The following TAF5 variants were observed in gnomAD, a reference collection of about 807,000 sequenced individuals.
TAF5 encodes transcription initiation factor TFIID subunit 5.
TAF5 carries 20 observed loss-of-function variants against 80.9 expected under a neutral mutation model. That is an observed-to-expected ratio of 0.25 (90% CI 0.17 to 0.36). TAF5 has a LOEUF of 0.36. TAF5 is among the 10% of genes least tolerant of loss of function. The pLI is 1.00. For synonymous variants in TAF5, 388 were observed against 406.4 expected, an observed-to-expected ratio of 0.95 and a Z score of 0.55; for missense variants, 863 against 1,029.4, an observed-to-expected ratio of 0.84 and a Z score of 2.21.
intron 8 of TAF5, among the ~76,000 whole-genome samples, chr10:103,386,356 C>A (rs1315803250): frequency 6.6e-6 from 1 of 151,432 alleles, no homozygotes; most frequent in African/African-American, 2.4e-5. Context: ...GGCAGAATTG[C>A]TTGAACCCAG....
chr10:103,368,436 C>T lies in TAF5; in HGVS notation c.447C>T (p.Ser149=), dbSNP rs1383334236. The T allele has an allele frequency of 6.3e-7, 1 of 1,580,538 alleles. No individual in the cohort carries two copies. The highest frequency in any genetic ancestry group is 1.7e-5 in the Admixed American group (1 of 57,288). ...AGAEVTSALL[S]RVTASAPGPA... ...CTGAGGTGACCAGCGCGCTTCTCAG[C>T]CGGGTGACCGCCTCGGCCCCTGGCC... The change falls in exon 1 of 11, where the codon AGC becomes AGT. Residue 149 remains serine (S), a synonymous_variant. Coordinates refer to ENST00000369839, the MANE Select transcript of TAF5 (RefSeq NM_006951.5).
chr10:103,380,143 T>C, intron 5 of TAF5, 124 bp downstream of exon 5: 1 of 1,219,138 alleles, frequency 8.2e-7, no homozygotes, highest in East Asian at 2.4e-5. Flanking sequence ...TTTTTTTTTT[T>C]TTCTGAGACA....
intron 5 of TAF5, among the ~76,000 whole-genome samples, chr10:103,380,290 G>A (rs1411287688): frequency 6.6e-6 from 1 of 152,034 alleles, no homozygotes; most frequent in Non-Finnish European, 1.5e-5. Context: ...CGCCATGCCC[G>A]GCTAATTTTT....
Position 103,388,270 on chromosome 10 carries a change from G to C in TAF5, c.*47G>C, listed in dbSNP as rs1028571505. On this transcript the variant is annotated 3_prime_UTR_variant, in exon 11 of 11. Coordinates refer to ENST00000369839, the MANE Select transcript of TAF5 (RefSeq NM_006951.5). Reference sequence around the variant, plus strand: ...TTGGAAGCTACTGTTTTTAAAAAGGGAGACTAAAAGCAAATACCTCAGTGA... The same window carrying C: ...TTGGAAGCTACTGTTTTTAAAAAGGCAGACTAAAAGCAAATACCTCAGTGA... 6 of 1,486,400 alleles carry C rather than the reference G, an allele frequency of 4.0e-6. No homozygotes were observed. The African/African-American group carries it at 8.4e-5, about 21-fold the overall frequency. The allele number at this position is 1,486,400 out of a possible 1,614,324, so 92.1% of individuals were successfully genotyped here.
intron 5 of TAF5, among the ~76,000 whole-genome samples, chr10:103,380,526 C>T (rs1002723583): frequency 3.9e-5 from 6 of 152,064 alleles, no homozygotes; most frequent in Admixed American, 2.0e-4. Context: ...TTTGTTTCAC[C>T]GATCAGAATT....
At chr10:103,386,694 C>T (rs1201877850) in intron 8 of TAF5, among the ~76,000 whole-genome samples, 7 of 145,330 alleles carry the variant, frequency 4.8e-5, no homozygotes, top group South Asian at 2.2e-4. Context: ...GACAGAGTCT[C>T]GCTCTGTTAC....
rs1333848674 is a variant in TAF5, at chr10:103,387,203, T to G, written c.1858T>G (p.Leu620Val). The change falls in exon 9 of 11, where the codon TTA (leucine) becomes GTA (valine). Residue 620 changes from leucine to valine, a missense_variant. Coordinates refer to ENST00000369839, the MANE Select transcript of TAF5 (RefSeq NM_006951.5). Reference sequence around the variant, plus strand: ...CTGGGCTACAGACCACTATCAGCCTTTAAGAATATTTGCCGGCCATCTTGC... The same window carrying G: ...CTGGGCTACAGACCACTATCAGCCTGTAAGAATATTTGCCGGCCATCTTGC... ...RLWATDHYQPLRIFAGHLADV... is the reference protein window; with the variant it reads ...RLWATDHYQPVRIFAGHLADV... 6.2e-7 allele frequency: 1 copy of G among 1,614,132 alleles called. No individual in the cohort carries two copies. The highest frequency in any genetic ancestry group is 8.5e-7 in the Non-Finnish European group (1 of 1,180,028).
intron 1 of TAF5, among the ~76,000 whole-genome samples, chr10:103,369,943 C>T (rs954582582): frequency 6.6e-6 from 1 of 151,832 alleles, no homozygotes; most frequent in Non-Finnish European, 1.5e-5. Flanking sequence ...TTTTTACCTT[C>T]GTATTGGCCG....
In TAF5 at chr10:103,374,861, C is replaced by T. The variant is rs780762896; in HGVS notation, c.797+1266C>T. Among the ~76,000 whole-genome samples, 1 of 152,144 alleles carries T rather than the reference C, an allele frequency of 6.6e-6. No homozygotes were observed. ...GTAGAGGTGGCCCGGCGCTGCGGCT[C>T]ACGCCTTTAATCCCAGCACTTTGGG... On this transcript the variant is annotated intron_variant, in intron 2 of 10. Transcript: ENST00000369839. This position sits in a 1 kb window ranked among gnomAD's most constrained non-coding sequence, Gnocchi z 4.3.
chr10:103,380,098 A>T, intron 5 of TAF5, 79 bp downstream of exon 5: 3 of 1,431,016 alleles, frequency 2.1e-6, no homozygotes, highest in Non-Finnish European at 2.8e-6. Context: ...AAACAAATGT[A>T]TTAGCTAAAA....
At chr10:103,387,960 T>C in intron 10 of TAF5, 46 bp from the exon 11 acceptor site, 1 of 1,552,016 alleles carries the variant, frequency 6.4e-7, no homozygotes, top group Admixed American at 1.7e-5. Flanking sequence ...TGTCCGAATG[T>C]AAATATGATG....
chr10:103,379,254 C>T (rs138298709), intron 3 of TAF5, among the ~76,000 whole-genome samples: 1 of 152,268 alleles, frequency 6.6e-6, no homozygotes, highest in Non-Finnish European at 1.5e-5. Flanking sequence ...CAGCTCCGTT[C>T]CAAGAAGGAA....
rs1431214803 is a variant in TAF5 at position 103,368,533 on chromosome 10, G to A, written c.544G>A (p.Ala182Thr). The A allele has an allele frequency of 3.3e-6, 5 of 1,535,368 alleles. No homozygotes were observed. Among genetic ancestry groups the A allele is most frequent in the Non-Finnish European group, 4.3e-6 (5 of 1,150,528 alleles). The change falls in exon 1 of 11, where the codon GCG (alanine) becomes ACG (threonine). Residue 182 changes from alanine (A) to threonine (T), a missense_variant. Ala to Thr is a moderately conservative substitution (Grantham distance 58, BLOSUM62 0). Around this residue, in one of 3 missense-constraint regions of TAF5, gnomAD observed 367 missense variants for 335.5 expected, o/e 1.09. Transcript: ENST00000369839. The part of the protein sequence containing the change: ...TVVSGSASGP[A>T]APGKVGSVAV... The stretch of plus-strand genomic sequence containing the variant: ...CGTCTCAGGTTCAGCCTCAGGTCCT[G>A]CGGCTCCGGGTAAAGGTGAGCCGTG...
At chr10:103,376,580 G>GA (rs566222719) in intron 2 of TAF5, among the ~76,000 whole-genome samples, 4,123 of 135,240 alleles carry the variant, frequency 0.03, 58 homozygotes, top group Admixed American at 0.05. Flanking sequence ...AAGTGCTTTT[G>GA]AAAAAAAAAA....
Position 103,368,350 on chromosome 10 carries a change from G to T in TAF5, c.361G>T (p.Gly121Trp). ...EAEEALRREAGLLEEAVAGSG... is the reference protein window; with the variant it reads ...EAEEALRREAWLLEEAVAGSG... ...CGAAGAGGCGCTGCGCCGTGAGGCC[G>T]GGCTGCTGGAGGAGGCAGTGGCGGG... is the stretch of plus-strand genomic sequence containing the variant. Residue 121 changes from glycine (G) to tryptophan (W), a missense_variant, in exon 1 of 11, where the codon GGG becomes TGG. Physicochemically the swap from Gly to Trp is radical, Grantham distance 184. Coordinates refer to ENST00000369839, the MANE Select transcript of TAF5 (RefSeq NM_006951.5). The T allele has an allele frequency of 6.3e-7, 1 of 1,577,860 alleles. No individual in the cohort carries two copies. Among genetic ancestry groups the T allele is most frequent in the Non-Finnish European group, 8.5e-7 (1 of 1,170,824 alleles).
intron 1 of TAF5, among the ~76,000 whole-genome samples, chr10:103,369,612 C>A (rs2093354441): frequency 6.6e-6 from 1 of 152,024 alleles, no homozygotes; most frequent in African/African-American, 2.4e-5. Context: ...ATGCACCCAC[C>A]TCTGCGTCCC....
intron 1 of TAF5, among the ~76,000 whole-genome samples, chr10:103,370,560 C>T (rs1465119143): frequency 2.0e-5 from 3 of 151,922 alleles, no homozygotes; most frequent in Non-Finnish European, 4.4e-5. Context: ...ATCTCCTGAC[C>T]TTGTGATCCA....
Position 103,371,531 on chromosome 10 carries a change from A to C in TAF5, c.560-1827A>C, listed in dbSNP as rs578130862. Among the ~76,000 whole-genome samples the C allele has an allele frequency of 2.6e-5, 4 of 152,352 alleles. No homozygotes were observed. In the East Asian group the frequency reaches 7.7e-4, roughly 29 times the overall value. ...ATTTAATTGACAGATTAATTGACTG[A>C]TTTAATTGACAGATGTATTGTTAGG... is the stretch of plus-strand genomic sequence containing the variant. On this transcript the variant is annotated intron_variant, in intron 1 of 10. Coordinates refer to ENST00000369839, the MANE Select transcript of TAF5 (RefSeq NM_006951.5).
At chr10:103,381,599 A>G in intron 5 of TAF5, 122 bp from the exon 6 acceptor site, 1 of 1,131,230 alleles carries the variant, frequency 8.8e-7, no homozygotes, top group Non-Finnish European at 1.3e-6. Flanking sequence ...AAAAGTCTTT[A>G]TATATTCCTT....
Sources: allele counts gnomAD v4.1 joint callset (sites outside exome capture counted in the v4.1 genomes callset), GRCh38; gene constraint gnomAD v4.1.1; regional missense constraint gnomAD v4.1.1; non-coding constraint Gnocchi (gnomAD v3.1); transcripts MANE v1.5; gene names NCBI Gene and HGNC (gene_info 2026-07-23, HGNC 2026-07-21).